HAL: variants seen among roughly 807,000 people sequenced by gnomAD.
The protein encoded by HAL is histidine ammonia-lyase.
A neutral mutation model predicts 81.1 loss-of-function variants in HAL; 85 were observed. The ratio of observed to expected loss-of-function variants is 1.05; its 90% CI spans 0.88 to 1.25. The LOEUF (loss-of-function observed/expected upper bound fraction) is 1.25. HAL is among the 50% of genes most tolerant of loss of function. The pLI is 0.00. For synonymous variants in HAL, 301 were observed against 309.2 expected, an observed-to-expected ratio of 0.97 and a Z score of 0.28; for missense variants, 798 against 836.6, an observed-to-expected ratio of 0.95 and a Z score of 0.57.
chr12:95,986,007 C>T, intron 13 of HAL, 41 bp from the exon 14 acceptor site: 1 of 1,589,200 alleles, frequency 6.3e-7, no homozygotes. Flanking sequence ...GATCATGTTA[C>T]CAATTCTTTT....
At position 95,990,540 on chromosome 12, in the gene HAL, A is replaced by G; in HGVS notation, c.716-8T>C. 6.2e-7 allele frequency: 1 copy of G among 1,612,560 alleles called. No homozygotes were observed. The highest frequency in any genetic ancestry group is 1.1e-5 in the South Asian group (1 of 91,028). On this transcript the variant is annotated splice_region_variant and splice_polypyrimidine_tract_variant and intron_variant, in intron 9 of 20. Coordinates refer to ENST00000261208, the MANE Select transcript of HAL (RefSeq NM_002108.4). ...CATAGGGCAGGCAGGAGGCTGGGAGAGAAGTAGGCAGCAATTAGTTCAAGA... is the reference window on the plus strand; with the variant it reads ...CATAGGGCAGGCAGGAGGCTGGGAGGGAAGTAGGCAGCAATTAGTTCAAGA...
intron 18 of HAL, among the ~76,000 whole-genome samples, chr12:95,976,948 C>T (rs2080728238): frequency 6.6e-6 from 1 of 152,162 alleles, no homozygotes; most frequent in South Asian, 2.1e-4. Context: ...AATTACCAGA[C>T]CTGCACACCT....
intron 10 of HAL, chr12:95,990,149 A>G: frequency 1.8e-6 from 1 of 554,894 alleles, no homozygotes; most frequent in South Asian, 1.9e-5. Context: ...TGGGATTAAC[A>G]GTAGCAGTTA....
At chr12:95,992,630 G>A (rs762115667) in intron 9 of HAL, 50 bp downstream of exon 9, 5 of 1,525,374 alleles carry the variant, frequency 3.3e-6, no homozygotes, top group East Asian at 2.3e-5. Flanking sequence ...CTACCCTGTG[G>A]TACATGTCCA....
intron 20 of HAL, chr12:95,976,182 C>T: frequency 1.9e-6 from 1 of 535,480 alleles, no homozygotes; most frequent in Admixed American, 3.0e-5. Context: ...GAATATTGTC[C>T]CAAAACTCCA....
At chr12:95,980,037 G>A (rs1264925676) in intron 17 of HAL, among the ~76,000 whole-genome samples, 1 of 152,160 alleles carries the variant, frequency 6.6e-6, no homozygotes, top group East Asian at 1.9e-4. Context: ...CTATATTGAA[G>A]CTCAATCTTC....
intron 10 of HAL, chr12:95,989,929 A>C (rs1017045107): frequency 4.4e-6 from 1 of 227,376 alleles, no homozygotes; most frequent in African/African-American, 2.3e-5. Context: ...ACAGATGAAG[A>C]AAACACCAAA....
chr12:95,974,133 T>C lies in HAL; in HGVS notation c.*99A>G. On this transcript the variant is annotated 3_prime_UTR_variant, in exon 21 of 21. Coordinates refer to ENST00000261208, the MANE Select transcript of HAL (RefSeq NM_002108.4). ...TAGAAGAACTGAATGATACAATGGA[T>C]TGATCTACCTAGGAAAGTTCTCAGG... The C allele has an allele frequency of 2.0e-6, 2 of 1,015,218 alleles. No individual in the cohort carries two copies. The highest frequency in any genetic ancestry group is 1.3e-5 in the South Asian group (1 of 78,970). The allele number at this position is 1,015,218 out of a possible 1,614,324, so 62.9% of individuals were successfully genotyped here.
rs557670923 is a variant in HAL at position 95,973,815 on chromosome 12, A to G, written c.*417T>C. On this transcript the variant is annotated 3_prime_UTR_variant, in exon 21 of 21. Transcript: ENST00000261208. ...AGTCAACTGGTGGAGAGCTTGTTGA[A>G]GCAAATTTAAAAAAAAAAAAAAAGG... 17 of 154,256 alleles carry G rather than the reference A, an allele frequency of 1.1e-4. 1 individual carries two copies. Among genetic ancestry groups the G allele is most frequent in the Middle Eastern group, 3.3e-3 (1 of 306 alleles). 9.6% of individuals were successfully genotyped at this position (154,256 alleles called of 1,614,324 possible).
chr12:95,992,505 C>A (rs1043478719), intron 9 of HAL, among the ~76,000 whole-genome samples, 175 bp downstream of exon 9: 1 of 152,178 alleles, frequency 6.6e-6, no homozygotes, highest in Non-Finnish European at 1.5e-5. Flanking sequence ...CATCTCTGAT[C>A]GACTTTCTCC....
At chr12:95,994,696 G>T (rs957494235) in intron 4 of HAL, 102 bp downstream of exon 4, 4 of 1,176,172 alleles carry the variant, frequency 3.4e-6, no homozygotes, top group Non-Finnish European at 5.1e-6. Flanking sequence ...GGCCAGCCCT[G>T]TTCTAATTGA....
intron 7 of HAL, 133 bp downstream of exon 7, chr12:95,993,639 C>A: frequency 1.2e-6 from 1 of 825,246 alleles, no homozygotes; most frequent in Admixed American, 1.9e-5. Flanking sequence ...TCAATACCAA[C>A]TCACATGCAA....
chr12:95,981,528 G>A (rs750483340), intron 15 of HAL, among the ~76,000 whole-genome samples: 3 of 152,124 alleles, frequency 2.0e-5, no homozygotes, highest in African/African-American at 4.8e-5. Flanking sequence ...GCGCCATCTC[G>A]GCTCACTGCG....
chr12:95,982,255 C>T (rs1310893001), intron 15 of HAL, among the ~76,000 whole-genome samples: 3 of 152,114 alleles, frequency 2.0e-5, no homozygotes, highest in Non-Finnish European at 2.9e-5. Context: ...AGCAGTATTG[C>T]AAGAGAACTC....
chr12:95,988,368 G>T (rs1949922500), intron 10 of HAL, 128 bp from the exon 11 acceptor site: 1 of 703,372 alleles, frequency 1.4e-6, no homozygotes, highest in Non-Finnish European at 2.6e-6. Context: ...AGACCTACAG[G>T]AACTGGCTGT....
chr12:95,976,749 C>A (rs773673273), intron 18 of HAL, 43 bp from the exon 19 acceptor site: 1 of 1,250,414 alleles, frequency 8.0e-7, no homozygotes, highest in Non-Finnish European at 1.2e-6. Context: ...GAAAGTCTGA[C>A]TTCATGCTTA....
At chr12:95,990,275 G>A in intron 10 of HAL, 118 bp downstream of exon 10, 1 of 840,992 alleles carries the variant, frequency 1.2e-6, no homozygotes, top group South Asian at 1.4e-5. Flanking sequence ...TGTAAAGTAA[G>A]GATAGTAGGA....
chr12:95,989,846 A>G (rs752886608), intron 10 of HAL: 11 of 171,112 alleles, frequency 6.4e-5, no homozygotes, highest in Non-Finnish European at 1.1e-4. Flanking sequence ...ACTTACTATC[A>G]GGGAAGCTCC....
At chr12:95,983,027 A>C (rs950493090) in intron 15 of HAL, among the ~76,000 whole-genome samples, 1 of 152,216 alleles carries the variant, frequency 6.6e-6, no homozygotes, top group Admixed American at 6.5e-5. Context: ...AAATGGAATC[A>C]GTTTTACTAT....
Sources: gnomAD v4.1 joint callset for allele counts (sites outside exome capture counted in the v4.1 genomes callset) on GRCh38, gnomAD v4.1.1 for gene constraint, MANE v1.5 for transcripts, NCBI Gene and HGNC (gene_info 2026-07-23, HGNC 2026-07-21) for gene names.